VTI1A: variants seen among roughly 807,000 people sequenced by gnomAD.
VTI1A encodes the protein vesicle transport through interaction with t-SNAREs 1A, also known as vesicle transport through interaction with t-SNAREs homolog 1A.
VTI1A carries 22 observed loss-of-function variants against 34.9 expected under a neutral mutation model. That is an observed-to-expected ratio of 0.63 (90% CI 0.45 to 0.90). The LOEUF (loss-of-function observed/expected upper bound fraction) is 0.90, where lower values mean the gene tolerates loss of function less well. Among genes scored for constraint, VTI1A ranks in the 40% least tolerant of loss-of-function variants. The pLI is 0.00. For missense variants in VTI1A, 268 were observed against 275.6 expected (o/e 0.97, Z 0.20); for synonymous variants, 87 against 97.3 (o/e 0.89, Z 0.62).
chr10:112,586,428 AT>A (rs1234757025), intron 5 of VTI1A, among the ~76,000 whole-genome samples: 1 of 152,198 alleles, frequency 6.6e-6, no homozygotes, highest in Non-Finnish European at 1.5e-5. Flanking sequence ...CTGAGAAGGA[AT>A]AAGTGAACAT....
At chr10:112,549,983 T>G (rs1278333120) in intron 5 of VTI1A, among the ~76,000 whole-genome samples, 1 of 152,170 alleles carries the variant, frequency 6.6e-6, no homozygotes, top group Non-Finnish European at 1.5e-5. Context: ...AGCTCCATGG[T>G]GGTAAGAAAA....
chr10:112,842,062 T>C, the VTI1A span, among the ~76,000 whole-genome samples: 10 of 131,296 alleles, frequency 7.6e-5, no homozygotes, highest in African/African-American at 1.8e-4. Flanking sequence ...TTTTTTTTTT[T>C]TTTTTTTTTT....
chr10:112,751,774 A>T (rs1337600667), intron 7 of VTI1A, among the ~76,000 whole-genome samples: 1 of 152,232 alleles, frequency 6.6e-6, no homozygotes, highest in Non-Finnish European at 1.5e-5. Flanking sequence ...GCCACATGAA[A>T]GGGTCAATTT....
intron 4 of VTI1A, among the ~76,000 whole-genome samples, chr10:112,529,934 T>C (rs1477346722): frequency 6.6e-6 from 1 of 152,118 alleles, no homozygotes; most frequent in Non-Finnish European, 1.5e-5. Context: ...TTTTTAGGCA[T>C]CTGAAACCTG....
At chr10:112,473,246 C>G (rs973422680) in intron 3 of VTI1A, among the ~76,000 whole-genome samples, 2 of 151,674 alleles carry the variant, frequency 1.3e-5, no homozygotes, top group Non-Finnish European at 2.9e-5. Context: ...GTAGCTAGGA[C>G]TACCGGAGCG....
intron 5 of VTI1A, among the ~76,000 whole-genome samples, chr10:112,661,755 T>C (rs1408664532): frequency 1.3e-5 from 2 of 149,626 alleles, no homozygotes; most frequent in East Asian, 4.0e-4. Flanking sequence ...CTTTTTTTTC[T>C]GCTGTTAAGT....
the VTI1A span, among the ~76,000 whole-genome samples, chr10:112,846,902 C>G: frequency 6.6e-6 from 1 of 152,064 alleles, no homozygotes; most frequent in African/African-American, 2.4e-5. Flanking sequence ...TGGAAGAGAC[C>G]CAAGATATAC....
chr10:112,717,053 C>T (rs1590108672), intron 7 of VTI1A, among the ~76,000 whole-genome samples: 1 of 152,168 alleles, frequency 6.6e-6, no homozygotes, highest in Non-Finnish European at 1.5e-5. Flanking sequence ...TAACAAGTGC[C>T]GTTGCACCTC....
At chr10:112,615,653 G>C (rs1845486870) in intron 5 of VTI1A, among the ~76,000 whole-genome samples, 1 of 152,190 alleles carries the variant, frequency 6.6e-6, no homozygotes, top group Non-Finnish European at 1.5e-5. Flanking sequence ...CTGTTAAAGT[G>C]TGTAATAGGG....
At chr10:112,757,351 A>ATT (rs1175362768) in intron 7 of VTI1A, among the ~76,000 whole-genome samples, 1,017 of 40,692 alleles carry the variant, frequency 0.025, 207 homozygotes, top group Non-Finnish European at 0.028. Flanking sequence ...TGTTGCTGTG[A>ATT]TTTTTTTTTT....
chr10:112,622,751 G>T (rs1193058965), intron 5 of VTI1A, among the ~76,000 whole-genome samples: 1 of 152,124 alleles, frequency 6.6e-6, no homozygotes, highest in Admixed American at 6.5e-5. Context: ...ATACTTTCCA[G>T]TATTGGTTTA....
chr10:112,518,366 GA>G (rs1384536829), intron 3 of VTI1A, among the ~76,000 whole-genome samples: 1 of 151,842 alleles, frequency 6.6e-6, no homozygotes, highest in African/African-American at 2.4e-5. Flanking sequence ...GCTTGGCTAG[GA>G]AGGGAAGCAT....
chr10:112,785,123 G>A (rs1255001719), intron 7 of VTI1A, among the ~76,000 whole-genome samples: 1 of 152,236 alleles, frequency 6.6e-6, no homozygotes, highest in African/African-American at 2.4e-5. Flanking sequence ...AGCACAGCCA[G>A]TAATGTTTTC....
rs985565372 is a variant in VTI1A, at chr10:112,533,598, A to G, written c.343-4648A>G. On this transcript the variant is annotated intron_variant, in intron 4 of 7. Coordinates refer to ENST00000393077, the MANE Select transcript of VTI1A (RefSeq NM_145206.4). ...TTTTTTTTTAATTCTGCTTTTCCCTATAAAATTGAGTTTTTAAATCTGAAG... is the reference window on the plus strand; with the variant it reads ...TTTTTTTTTAATTCTGCTTTTCCCTGTAAAATTGAGTTTTTAAATCTGAAG... The G allele has an allele frequency of 1.2e-5, 12 of 996,096 alleles. No homozygotes were observed. In the African/African-American group the frequency reaches 1.2e-4, roughly 10 times the overall value. The allele number at this position is 996,096 out of a possible 1,614,324, so 61.7% of individuals were successfully genotyped here.
intron 7 of VTI1A, among the ~76,000 whole-genome samples, chr10:112,712,862 C>T (rs1047328434): frequency 2.3e-4 from 35 of 152,178 alleles, no homozygotes; most frequent in African/African-American, 8.4e-4. Context: ...TCAGGATGTG[C>T]TCCCCCATTG....
intron 7 of VTI1A, among the ~76,000 whole-genome samples, chr10:112,722,103 T>C (rs1449459516): frequency 2.6e-5 from 4 of 152,198 alleles, no homozygotes; most frequent in Non-Finnish European, 5.9e-5. Context: ...TCCTGCAATG[T>C]TAAGGGTACA....
intron 7 of VTI1A, among the ~76,000 whole-genome samples, chr10:112,804,936 C>A (rs1405507959): frequency 7.2e-6 from 1 of 139,088 alleles, no homozygotes; most frequent in Non-Finnish European, 1.5e-5. Flanking sequence ...TCACAGGTCA[C>A]TGCAGCCTTG....
At chr10:112,755,170 C>A (rs1200490984) in intron 7 of VTI1A, among the ~76,000 whole-genome samples, 1 of 152,060 alleles carries the variant, frequency 6.6e-6, no homozygotes, top group Non-Finnish European at 1.5e-5. Flanking sequence ...GCACGAGAAT[C>A]ATTGGAACTC....
intron 3 of VTI1A, among the ~76,000 whole-genome samples, chr10:112,470,615 G>T (rs1848042786): frequency 6.6e-6 from 1 of 152,176 alleles, no homozygotes; most frequent in Non-Finnish European, 1.5e-5. Flanking sequence ...GGTGGTTCAT[G>T]CCTGTAATCC....
Sources: allele counts gnomAD v4.1 joint callset (sites outside exome capture counted in the v4.1 genomes callset), GRCh38; gene constraint gnomAD v4.1.1; transcripts MANE v1.5; gene names NCBI Gene and HGNC (gene_info 2026-07-23, HGNC 2026-07-21).